Variants in MYL12B observed in about 807,000 individuals in gnomAD.
The protein encoded by MYL12B is myosin light chain 12B.
A neutral mutation model predicts 12.9 loss-of-function variants in MYL12B; 3 were observed. That is an observed-to-expected ratio of 0.23 (90% CI 0.11 to 0.60). MYL12B has a LOEUF of 0.60. MYL12B is among the 20% of genes least tolerant of loss of function. The pLI, the probability that MYL12B is intolerant of heterozygous loss-of-function variation, is 0.89. For missense variants in MYL12B, 120 were observed against 215.4 expected, an observed-to-expected ratio of 0.56 and a Z score of 2.77; for synonymous variants, 57 against 71.9, an observed-to-expected ratio of 0.79 and a Z score of 1.05.
intron 1 of MYL12B, 143 bp from the exon 2 acceptor site, chr18:3,272,741 G>T: frequency 1.4e-6 from 1 of 737,912 alleles, no homozygotes; most frequent in Non-Finnish European, 2.1e-6. Context: ...ATAAAGTTTA[G>T]GTGCATACTT....
intron 1 of MYL12B, among the ~76,000 whole-genome samples, chr18:3,266,509 C>T (rs1349049983): frequency 2.0e-5 from 3 of 151,960 alleles, no homozygotes; most frequent in Admixed American, 1.3e-4. Context: ...TGAGGGCTTT[C>T]TTGGAACCTG....
chr18:3,265,941 C>T (rs182762158), intron 1 of MYL12B, among the ~76,000 whole-genome samples: 8 of 152,232 alleles, frequency 5.3e-5, no homozygotes, highest in African/African-American at 1.4e-4. Context: ...GAAAATTCCC[C>T]GTGCTATGCA....
intron 2 of MYL12B, among the ~76,000 whole-genome samples, chr18:3,274,089 TTATC>T (rs1444493249): frequency 3.3e-5 from 5 of 152,220 alleles, no homozygotes; most frequent in Admixed American, 6.5e-5. Context: ...TAACTTTTCT[TTATC>T]TAGGGTGAGA....
intron 1 of MYL12B, among the ~76,000 whole-genome samples, chr18:3,270,856 G>C (rs2081672801): frequency 6.6e-6 from 1 of 152,112 alleles, no homozygotes; most frequent in South Asian, 2.1e-4. Flanking sequence ...ATTTTTTGTA[G>C]GGACAGAGTA....
chr18:3,269,580 A>G (rs2081661196), intron 1 of MYL12B, among the ~76,000 whole-genome samples: 1 of 152,230 alleles, frequency 6.6e-6, no homozygotes, highest in Non-Finnish European at 1.5e-5. Context: ...TGGCATATCC[A>G]GATGGGTGCC....
intron 2 of MYL12B, among the ~76,000 whole-genome samples, chr18:3,273,860 T>TTTTTC (rs1232535939): frequency 1.9e-4 from 20 of 107,896 alleles, no homozygotes; most frequent in African/African-American, 4.8e-4. Context: ...GGTTTTTTTT[T>TTTTTC]TCTCTCTTTT....
At chr18:3,268,447 T>G (rs2081651421) in intron 1 of MYL12B, among the ~76,000 whole-genome samples, 1 of 152,222 alleles carries the variant, frequency 6.6e-6, no homozygotes, top group African/African-American at 2.4e-5. Context: ...TGGACAGTCC[T>G]AGATCAAAGT....
At chr18:3,271,372 T>TA (rs2081677535) in intron 1 of MYL12B, among the ~76,000 whole-genome samples, 1 of 152,214 alleles carries the variant, frequency 6.6e-6, no homozygotes, top group African/African-American at 2.4e-5. Context: ...ACAACACCAC[T>TA]AAGCCAAGCT....
At chr18:3,262,516 G>A (rs1041572082) in intron 1 of MYL12B, 2 of 152,312 alleles carry the variant, frequency 1.3e-5, no homozygotes, top group African/African-American at 4.8e-5. Flanking sequence ...TGCTGGAGAA[G>A]TGGCCGGGTC....
At position 3,277,852 on chromosome 18, in the gene MYL12B, A is replaced by G; in HGVS notation, c.434A>G (p.Glu145Gly). 6.2e-7 allele frequency: 1 copy of G among 1,614,150 alleles called. No individual in the cohort carries two copies. Among genetic ancestry groups the G allele is most frequent in the Non-Finnish European group, 8.5e-7 (1 of 1,180,006 alleles). ...TDEEVDELYR[E>G]APIDKKGNFN... ...GAGGAAGTGGATGAGCTGTACAGAGAAGCACCTATTGACAAAAAGGGGAAT... is the reference window on the plus strand; with the variant it reads ...GAGGAAGTGGATGAGCTGTACAGAGGAGCACCTATTGACAAAAAGGGGAAT... Residue 145 changes from glutamate (E) to glycine (G), a missense_variant, in exon 4 of 4, where the codon GAA (glutamate) becomes GGA (glycine). By Grantham distance (98) the Glu-to-Gly change is moderately conservative. Coordinates refer to ENST00000237500, the MANE Select transcript of MYL12B (RefSeq NM_033546.4).
chr18:3,275,350 G>T (rs1172832646), intron 2 of MYL12B, among the ~76,000 whole-genome samples: 1 of 152,108 alleles, frequency 6.6e-6, no homozygotes. Flanking sequence ...ACTGTTAATA[G>T]ATACAAAAGT....
chr18:3,277,688 T>C (rs2081745036), intron 3 of MYL12B, 77 bp from the exon 4 acceptor site: 1 of 1,485,724 alleles, frequency 6.7e-7, no homozygotes, highest in African/African-American at 1.4e-5. Flanking sequence ...TTTTATACGA[T>C]TGACAAGCTT....
chr18:3,270,920 C>A (rs1338354631), intron 1 of MYL12B, among the ~76,000 whole-genome samples: 1 of 152,186 alleles, frequency 6.6e-6, no homozygotes, highest in Non-Finnish European at 1.5e-5. Flanking sequence ...AGTCTTCTGG[C>A]CTCAGCCTCC....
intron 1 of MYL12B, among the ~76,000 whole-genome samples, chr18:3,269,622 G>C (rs985008539): frequency 3.3e-5 from 5 of 152,192 alleles, no homozygotes; most frequent in African/African-American, 1.2e-4. Flanking sequence ...TGAGTCCAAG[G>C]CTCCAAGGAA....
At chr18:3,275,061 A>AGTAGATCTTTTTAGCTACTTTAACTTATT (rs1567992062) in intron 2 of MYL12B, among the ~76,000 whole-genome samples, 5 of 152,202 alleles carry the variant, frequency 3.3e-5, no homozygotes, top group African/African-American at 1.2e-4. Flanking sequence ...TGATTTGAAA[A>AGTAGATCTTTTTAGCTACTTTAACTTATT]CACCGTAAGT....
intron 1 of MYL12B, among the ~76,000 whole-genome samples, chr18:3,263,497 C>T (rs971650845): frequency 1.3e-5 from 2 of 152,270 alleles, no homozygotes; most frequent in South Asian, 2.1e-4. Flanking sequence ...AGTGAAACAG[C>T]TTTTATGATG....
chr18:3,277,083 A>G, intron 2 of MYL12B, 170 bp from the exon 3 acceptor site: 1 of 933,846 alleles, frequency 1.1e-6, no homozygotes, highest in Non-Finnish European at 1.3e-6. Context: ...TGTATCCAAT[A>G]TTTTTTAAGT....
chr18:3,274,378 T>C (rs1451519779), intron 2 of MYL12B, among the ~76,000 whole-genome samples: 1 of 152,242 alleles, frequency 6.6e-6, no homozygotes, highest in Admixed American at 6.5e-5. Context: ...AACCCATCCT[T>C]TTAAAGATAC....
At chr18:3,262,515 A>G (rs1452263408) in intron 1 of MYL12B, 4 of 152,228 alleles carry the variant, frequency 2.6e-5, no homozygotes, top group Admixed American at 2.6e-4. Context: ...CTGCTGGAGA[A>G]GTGGCCGGGT....
Sources: gnomAD v4.1 joint callset for allele counts (sites outside exome capture counted in the v4.1 genomes callset) on GRCh38, gnomAD v4.1.1 for gene constraint, MANE v1.5 for transcripts, NCBI Gene and HGNC (gene_info 2026-07-23, HGNC 2026-07-21) for gene names.